Variants in STOX2 observed in about 807,000 individuals in gnomAD.
STOX2 encodes the protein storkhead-box protein 2.
Under a neutral mutation model 60.9 loss-of-function variants are expected in STOX2, and 28 were observed. That is an observed-to-expected ratio of 0.46 (90% confidence interval 0.34 to 0.63). The LOEUF is 0.63. STOX2 is among the 30% of genes least tolerant of loss of function. The probability of loss-of-function intolerance (pLI) is 0.01; values close to 1 mark genes in which losing one functional copy is unlikely to be tolerated. For synonymous variants in STOX2, 472 were observed against 463.9 expected (o/e 1.02, Z -0.22); for missense variants, 1,024 against 1,187.7 (o/e 0.86, Z 2.03).
chr4:183,812,099 C>CTTATTT (rs1201458828), intron 1 of STOX2, among the ~76,000 whole-genome samples: 3 of 151,990 alleles, frequency 2.0e-5, no homozygotes. Flanking sequence ...ACCCAACTAA[C>CTTATTT]TTATTTTTAT....
At chr4:183,910,554 T>C (rs1448840015) in intron 1 of STOX2, among the ~76,000 whole-genome samples, 13 of 152,154 alleles carry the variant, frequency 8.5e-5, no homozygotes, top group Admixed American at 8.5e-4. Context: ...CCATGTATAA[T>C]GCCAGCAAAG....
At chr4:183,964,015 T>G (rs1420723217) in intron 1 of STOX2, among the ~76,000 whole-genome samples, 1 of 152,080 alleles carries the variant, frequency 6.6e-6, no homozygotes, top group Non-Finnish European at 1.5e-5. Context: ...GACCTCGTCA[T>G]CTGCCTTCCT....
chr4:183,925,666 A>C (rs190550745), intron 1 of STOX2, among the ~76,000 whole-genome samples: 5 of 152,336 alleles, frequency 3.3e-5, no homozygotes, highest in Admixed American at 3.3e-4. Context: ...TAGACAATGT[A>C]ATACATATAA....
chr4:183,954,539 C>T (rs760266341), intron 1 of STOX2, among the ~76,000 whole-genome samples: 14 of 152,030 alleles, frequency 9.2e-5, no homozygotes, highest in Admixed American at 1.3e-4. Context: ...CCACCCTCCT[C>T]GGCCTCCCAA....
Position 183,986,660 on chromosome 4 carries a change from G to A in STOX2, c.167-14665G>A, listed in dbSNP as rs115815484. On this transcript the variant is annotated intron_variant, in intron 1 of 3. Coordinates refer to ENST00000308497, the MANE Select transcript of STOX2 (RefSeq NM_020225.3). ...GACCTGGTTAGTGTTTGTAGCTATC[G>A]GATGGGTGATGGCGCAGAAGCGGGT... 2.8e-3 allele frequency among the ~76,000 whole-genome samples: 429 copies of A among 152,360 alleles called. 1 individual carries two copies. Among genetic ancestry groups the A allele is most frequent in the African/African-American group, 0.01 (417 of 41,576 alleles).
intron 1 of STOX2, among the ~76,000 whole-genome samples, chr4:183,932,117 C>T (rs1372744379): frequency 2.0e-5 from 3 of 151,600 alleles, no homozygotes; most frequent in African/African-American, 7.3e-5. Context: ...AGGATGTAGC[C>T]GATGAGTAGG....
chr4:183,824,334 C>T (rs560953432), intron 1 of STOX2, among the ~76,000 whole-genome samples: 8 of 152,148 alleles, frequency 5.3e-5, no homozygotes, highest in Admixed American at 2.6e-4. Flanking sequence ...TATTTCTCAC[C>T]GACATTCTAC....
chr4:183,857,344 T>TCA lies in STOX2; in HGVS notation c.364+59289_364+59290insCA, dbSNP rs1220770740. ...AGTACTGGTTATCCCATAGGACTGG[T>TCA]TGCCTCGTAGGACTGGTCATCCCGC... On this transcript the variant is annotated intron_variant, in intron 1 of 2. Coordinates refer to the STOX2 transcript ENST00000513034. Among the ~76,000 whole-genome samples the TCA allele has an allele frequency of 3.3e-3, 502 of 151,922 alleles. 2 individuals are homozygous for TCA. Among genetic ancestry groups the TCA allele is most frequent in the African/African-American group, 0.011 (447 of 41,278 alleles).
chr4:183,859,360 G>A (rs565100437), intron 1 of STOX2, among the ~76,000 whole-genome samples: 5 of 152,352 alleles, frequency 3.3e-5, no homozygotes, highest in South Asian at 2.1e-4. Flanking sequence ...AGATCACGAC[G>A]CTGGGGAGGA....
intron 1 of STOX2, among the ~76,000 whole-genome samples, chr4:183,990,324 T>G (rs1733047200): frequency 6.6e-6 from 1 of 152,206 alleles, no homozygotes; most frequent in Non-Finnish European, 1.5e-5. Flanking sequence ...ATTATAGAGT[T>G]AAGTTTCTAT....
At position 184,001,553 on chromosome 4, in the gene STOX2, G is replaced by A. The variant is rs533453848; in HGVS notation, c.319+76G>A. 1.9e-4 allele frequency: 264 copies of A among 1,420,610 alleles called. 2 individuals are homozygous for A. In the African/African-American group the frequency reaches 3.3e-3, roughly 18 times the overall value. 88.0% of individuals were successfully genotyped at this position (1,420,610 alleles called of 1,614,324 possible). ...CTCTAGGACTCACGTGGACTGTTCT[G>A]CCCATGTTTAAAGAGAATAGGAAAA... is the stretch of plus-strand genomic sequence containing the variant. On this transcript the variant is annotated intron_variant, in intron 2 of 3. Transcript: ENST00000308497. This position sits in a 1 kb window ranked among gnomAD's most constrained non-coding sequence, Gnocchi z 4.2.
intron 1 of STOX2, among the ~76,000 whole-genome samples, chr4:183,900,033 C>G (rs1741429514): frequency 6.6e-6 from 1 of 152,184 alleles, no homozygotes; most frequent in Non-Finnish European, 1.5e-5. Flanking sequence ...AATGCTAAAT[C>G]TACTCTGCTT....
chr4:183,898,301 AGAATGACTCCCAGGTTCTTGCCCT>A lies in STOX2; in HGVS notation c.364+100248_364+100271del, dbSNP rs561280231. Among the ~76,000 whole-genome samples the A allele has an allele frequency of 4.5e-4, 68 of 152,180 alleles. No individual in the cohort carries two copies. The South Asian group carries it at 0.013, about 29-fold the overall frequency. On this transcript the variant is annotated intron_variant, in intron 1 of 2. Coordinates refer to the STOX2 transcript ENST00000513034. ...GGAGAGCAGTGAGAGGAGGTGATTG[AGAATGACTCCCAGGTTCTTGCCCT>A]GGGAGACTGGACAGTGGGACTCCCA... is the stretch of plus-strand genomic sequence containing the variant.
In STOX2 at chr4:183,951,025, C is replaced by T. The variant is rs1450154593; in HGVS notation, c.166+44069C>T. 3.3e-5 allele frequency among the ~76,000 whole-genome samples: 5 copies of T among 151,912 alleles called. No homozygotes were observed. In the East Asian group the frequency reaches 9.8e-4, roughly 30 times the overall value. ...GGTCAGGAGATCGAGACCATCCTGGCTAACACGGTGAAACCCCGTCTCTAC... is the reference window on the plus strand; with the variant it reads ...GGTCAGGAGATCGAGACCATCCTGGTTAACACGGTGAAACCCCGTCTCTAC... On this transcript the variant is annotated intron_variant, in intron 1 of 3. Coordinates refer to ENST00000308497, the MANE Select transcript of STOX2 (RefSeq NM_020225.3).
intron 2 of STOX2, among the ~76,000 whole-genome samples, chr4:184,006,907 T>G (rs1256248344): frequency 2.1e-5 from 3 of 146,112 alleles, no homozygotes; most frequent in Non-Finnish European, 4.5e-5. Flanking sequence ...TCCCAGCTAC[T>G]TGGGAGGCTG....
intron 1 of STOX2, among the ~76,000 whole-genome samples, chr4:183,920,323 A>G (rs1420057564): frequency 2.6e-5 from 4 of 151,648 alleles, no homozygotes; most frequent in Admixed American, 2.6e-4. Flanking sequence ...GGCCAGGCTG[A>G]TCTTGAACTC....
chr4:183,965,734 G>T lies in STOX2; in HGVS notation c.167-35591G>T, dbSNP rs192573637. Among the ~76,000 whole-genome samples, 313 of 152,168 alleles carry T rather than the reference G, an allele frequency of 2.1e-3. 1 individual carries two copies. Among genetic ancestry groups the T allele is most frequent in the African/African-American group, 6.9e-3 (287 of 41,514 alleles). On this transcript the variant is annotated intron_variant, in intron 1 of 3. Coordinates refer to ENST00000308497, the MANE Select transcript of STOX2 (RefSeq NM_020225.3). ...GTGACAGAGGAAACCAGTGGCGGGG[G>T]TTGTGGGGGGCGGTTTCCAGTAGTG...
At chr4:183,842,326 T>C (rs1739881952) in intron 1 of STOX2, among the ~76,000 whole-genome samples, 1 of 152,174 alleles carries the variant, frequency 6.6e-6, no homozygotes, top group East Asian at 1.9e-4. Flanking sequence ...AGACTATTGC[T>C]TTACTAAAAA....
At chr4:183,889,577 A>G (rs907196574) in intron 1 of STOX2, among the ~76,000 whole-genome samples, 1 of 152,254 alleles carries the variant, frequency 6.6e-6, no homozygotes, top group Non-Finnish European at 1.5e-5. Context: ...CAGACAGTCA[A>G]AACAAAAGCA....
Sources: gnomAD v4.1 joint callset for allele counts (sites outside exome capture counted in the v4.1 genomes callset) on GRCh38, gnomAD v4.1.1 for gene constraint, Gnocchi (gnomAD v3.1) non-coding constraint, MANE v1.5 for transcripts, NCBI Gene and HGNC (gene_info 2026-07-23, HGNC 2026-07-21) for gene names.